The following RSPO4 variants were observed in gnomAD, a reference collection of about 807,000 sequenced individuals.
The protein encoded by RSPO4 is R-spondin 4, also known as R-spondin-4.
RSPO4 carries 23 observed loss-of-function variants against 24.8 expected under a neutral mutation model. That is an observed-to-expected ratio of 0.93 (90% CI 0.67 to 1.31). The LOEUF (loss-of-function observed/expected upper bound fraction) is 1.31, where lower values mean the gene tolerates loss of function less well. RSPO4 is among the 40% of genes most tolerant of loss of function. The pLI is 0.00. For synonymous variants in RSPO4, 141 were observed against 127.4 expected (o/e 1.11, Z -0.72); for missense variants, 333 against 316.5 (o/e 1.05, Z -0.39).
chr20:979,865 T>C (rs949272248), intron 1 of RSPO4, among the ~76,000 whole-genome samples: 1 of 152,008 alleles, frequency 6.6e-6, no homozygotes, highest in Non-Finnish European at 1.5e-5. Context: ...TACACCCTAT[T>C]CCTCTCCCAC....
chr20:980,499 G>A (rs1984701764), intron 1 of RSPO4, among the ~76,000 whole-genome samples: 1 of 152,150 alleles, frequency 6.6e-6, no homozygotes, highest in Non-Finnish European at 1.5e-5. Context: ...CAATAGGTGT[G>A]TGTTCAATCA....
chr20:967,181 C>T lies in RSPO4; in HGVS notation c.402G>A (p.Glu134=), dbSNP rs1984233469. The T allele has an allele frequency of 6.2e-7, 1 of 1,613,682 alleles. No homozygotes were observed. Among genetic ancestry groups the T allele is most frequent in the Non-Finnish European group, 8.5e-7 (1 of 1,179,950 alleles). The change falls in exon 3 of 5, where the codon GAG becomes GAA. Residue 134 remains glutamate, a synonymous_variant. Coordinates refer to ENST00000217260, the MANE Select transcript of RSPO4 (RefSeq NM_001029871.4). ...PGTLAHQNTR[E]CQGECELGPW... is the part of the protein sequence containing the mutation. ...GGGGAGGTCCCCACTCACCCTGGCA[C>T]TCCCGTGTGTTCTGGTGGGCCAAAG...
At chr20:993,796 G>A (rs552132003) in intron 1 of RSPO4, among the ~76,000 whole-genome samples, 25 of 152,268 alleles carry the variant, frequency 1.6e-4, no homozygotes, top group African/African-American at 5.1e-4. Context: ...CAATGAATGT[G>A]CCTCTCTTTT....
chr20:995,649 ACT>A (rs1985256070), intron 1 of RSPO4, among the ~76,000 whole-genome samples: 2 of 151,940 alleles, frequency 1.3e-5, no homozygotes, highest in African/African-American at 4.8e-5. Flanking sequence ...CCAGAGACAG[ACT>A]CTCTGGGCTT....
Position 1,002,288 on chromosome 20 carries a change from C to T in RSPO4, c.-124G>A, listed in dbSNP as rs1985497977. 2.7e-6 allele frequency: 1 copy of T among 363,892 alleles called. No individual in the cohort carries two copies. Among genetic ancestry groups the T allele is most frequent in the Non-Finnish European group, 4.1e-6 (1 of 245,054 alleles). 22.5% of individuals were successfully genotyped at this position (363,892 alleles called of 1,614,324 possible). A position where few individuals can be genotyped will look rare whatever the true frequency, so the allele number is the denominator to read the frequency against. On this transcript the variant is annotated 5_prime_UTR_variant, in exon 1 of 5. Coordinates refer to ENST00000217260, the MANE Select transcript of RSPO4 (RefSeq NM_001029871.4). This position sits in a 1 kb window ranked among gnomAD's most constrained non-coding sequence, Gnocchi z 4.6. ...GCGCGCCGGGCGCATCCGCCAGGCGCGGGTCGGTCCGGCCGCCAGGTCTAG... is the reference window on the plus strand; with the variant it reads ...GCGCGCCGGGCGCATCCGCCAGGCGTGGGTCGGTCCGGCCGCCAGGTCTAG...
rs1358890241 is a variant in RSPO4 at position 970,698 on chromosome 20, T to G, written c.80-2560A>C. ...CTTCTCACTCAGCAAAAGATTCAGATTCTGATACTACCCAGAGCTGGCAAG... is the reference window on the plus strand; with the variant it reads ...CTTCTCACTCAGCAAAAGATTCAGAGTCTGATACTACCCAGAGCTGGCAAG... On this transcript the variant is annotated intron_variant, in intron 1 of 4. Coordinates refer to ENST00000217260, the MANE Select transcript of RSPO4 (RefSeq NM_001029871.4). This position sits in a 1 kb window ranked among gnomAD's most constrained non-coding sequence, Gnocchi z 4.1. 6.6e-6 allele frequency among the ~76,000 whole-genome samples: 1 copy of G among 152,162 alleles called. No homozygotes were observed. Among genetic ancestry groups the G allele is most frequent in the Non-Finnish European group, 1.5e-5 (1 of 68,016 alleles).
chr20:1,001,997 A>G, intron 1 of RSPO4, 89 bp downstream of exon 1: 1 of 1,114,496 alleles, frequency 9.0e-7, no homozygotes, highest in Non-Finnish European at 1.3e-6. Flanking sequence ...CACCAGGCAG[A>G]TGCCCCCAGA....
At position 963,951 on chromosome 20, in the gene RSPO4, C is replaced by G; in HGVS notation, c.579G>C (p.Gln193His). The G allele has an allele frequency of 6.2e-7, 1 of 1,613,978 alleles. No homozygotes were observed. Among genetic ancestry groups the G allele is most frequent in the Non-Finnish European group, 8.5e-7 (1 of 1,180,046 alleles). ...GGGGCTCACCTCCTGGGCAGGGCCT[C>G]TGGATGGGACATTTCCTTGACTCAG... is the stretch of plus-strand genomic sequence containing the variant. ...VLSESRKCPI[Q>H]RPCPGERSPG... is the part of the protein sequence containing the mutation. Residue 193 changes from glutamine (Q) to histidine (H), a missense_variant, in exon 4 of 5, where the codon CAG becomes CAC. Coordinates refer to ENST00000217260, the MANE Select transcript of RSPO4 (RefSeq NM_001029871.4).
rs112705296 is a variant in RSPO4 at position 978,458 on chromosome 20, G to A, written c.80-10320C>T. On this transcript the variant is annotated intron_variant, in intron 1 of 4. Coordinates refer to ENST00000217260, the MANE Select transcript of RSPO4 (RefSeq NM_001029871.4). ...GGCTTGCTCACCTTTAAATCCCCAC[G>A]GCCCTGCACATTGTAGGTGCCCACT... 3.6e-4 allele frequency among the ~76,000 whole-genome samples: 55 copies of A among 152,246 alleles called. 1 individual carries two copies. Among genetic ancestry groups the A allele is most frequent in the African/African-American group, 1.1e-3 (46 of 41,548 alleles).
chr20:997,896 C>T (rs1483045383), intron 1 of RSPO4, among the ~76,000 whole-genome samples: 4 of 152,182 alleles, frequency 2.6e-5, no homozygotes, highest in Admixed American at 6.5e-5. Flanking sequence ...CACGTGAGAC[C>T]CCACTCCCTT....
At chr20:997,137 G>A (rs1985317973) in intron 1 of RSPO4, among the ~76,000 whole-genome samples, 1 of 152,206 alleles carries the variant, frequency 6.6e-6, no homozygotes, top group African/African-American at 2.4e-5. Context: ...ACACAAGGCA[G>A]TGGCAGAGTG....
chr20:969,585 T>C lies in RSPO4; in HGVS notation c.80-1447A>G, dbSNP rs532267575. Among the ~76,000 whole-genome samples, 14 of 151,994 alleles carry C rather than the reference T, an allele frequency of 9.2e-5. No homozygotes were observed. In the South Asian group the frequency reaches 2.3e-3, roughly 25 times the overall value. On this transcript the variant is annotated intron_variant, in intron 1 of 4. Coordinates refer to ENST00000217260, the MANE Select transcript of RSPO4 (RefSeq NM_001029871.4). ...GGCAGAGCTGAGGGGAAGAGTGTGA[T>C]AGAAGAGCCTGCACATCCTTCCCGG...
rs183202845 is a variant in RSPO4, at chr20:988,257, G to A, written c.79+13829C>T. On this transcript the variant is annotated intron_variant, in intron 1 of 4. Coordinates refer to ENST00000217260, the MANE Select transcript of RSPO4 (RefSeq NM_001029871.4). The stretch of plus-strand genomic sequence containing the variant: ...GATGGTGCTGGATTTTCCTGGAAGT[G>A]AGTTGGGAAGCCACTGTGGGTTGCA... Among the ~76,000 whole-genome samples, 165 of 152,314 alleles carry A rather than the reference G, an allele frequency of 1.1e-3. 1 individual carries two copies. Among genetic ancestry groups the A allele is most frequent in the Admixed American group, 0.01 (154 of 15,304 alleles).
intron 1 of RSPO4, among the ~76,000 whole-genome samples, chr20:992,457 G>A (rs529264913): frequency 6.6e-6 from 1 of 152,026 alleles, no homozygotes; most frequent in Non-Finnish European, 1.5e-5. Flanking sequence ...TAGGTCTGCT[G>A]AGCACTTTCA....
chr20:965,793 G>A (rs548117273), intron 3 of RSPO4, among the ~76,000 whole-genome samples: 7 of 152,334 alleles, frequency 4.6e-5, no homozygotes, highest in East Asian at 3.9e-4. Flanking sequence ...CTCAGGTGTC[G>A]CTTCTGTCTC....
At chr20:989,833 C>T (rs1178673247) in intron 1 of RSPO4, among the ~76,000 whole-genome samples, 1 of 152,188 alleles carries the variant, frequency 6.6e-6, no homozygotes, top group African/African-American at 2.4e-5. Flanking sequence ...CCTACCCCAC[C>T]CCCAGCTGGA....
At chr20:997,896 C>A (rs1483045383) in intron 1 of RSPO4, among the ~76,000 whole-genome samples, 3 of 152,182 alleles carry the variant, frequency 2.0e-5, no homozygotes, top group Non-Finnish European at 4.4e-5. Context: ...CACGTGAGAC[C>A]CCACTCCCTT....
intron 1 of RSPO4, among the ~76,000 whole-genome samples, chr20:985,768 G>A (rs1347383777): frequency 1.3e-5 from 2 of 152,196 alleles, no homozygotes; most frequent in Non-Finnish European, 2.9e-5. Context: ...AGGAGGATTG[G>A]CCAGCAGTGA....
At chr20:999,852 T>C (rs1985406966) in intron 1 of RSPO4, among the ~76,000 whole-genome samples, 1 of 152,144 alleles carries the variant, frequency 6.6e-6, no homozygotes, top group Admixed American at 6.6e-5. Context: ...TAAAGTCTTC[T>C]AAACCAGCTC....
Sources: gnomAD v4.1 joint callset for allele counts (sites outside exome capture counted in the v4.1 genomes callset) on GRCh38, gnomAD v4.1.1 for gene constraint, Gnocchi (gnomAD v3.1) non-coding constraint, MANE v1.5 for transcripts, NCBI Gene and HGNC (gene_info 2026-07-23, HGNC 2026-07-21) for gene names.